MLXIPL: variants seen among roughly 807,000 people sequenced by gnomAD.
The protein encoded by MLXIPL is MLX interacting protein like, also known as carbohydrate-responsive element-binding protein.
MLXIPL carries 49 observed loss-of-function variants against 81.5 expected under a neutral mutation model. The observed-to-expected ratio is 0.60, with a 90% CI of 0.48 to 0.76. The LOEUF (loss-of-function observed/expected upper bound fraction) is 0.76, where lower values mean the gene tolerates loss of function less well. MLXIPL is among the 30% of genes least tolerant of loss of function. MLXIPL has a pLI of 0.00. For synonymous variants in MLXIPL, 466 were observed against 485.5 expected, an observed-to-expected ratio of 0.96 and a Z score of 0.53; for missense variants, 1,053 against 1,167.0, an observed-to-expected ratio of 0.90 and a Z score of 1.42.
chr7:73,623,973 T>G lies in MLXIPL; in HGVS notation c.293+227A>C, dbSNP rs1796548591. Among the ~76,000 whole-genome samples the G allele has an allele frequency of 6.8e-6, 1 of 146,958 alleles. No individual in the cohort carries two copies. Among genetic ancestry groups the G allele is most frequent in the Non-Finnish European group, 1.5e-5 (1 of 66,552 alleles). On this transcript the variant is annotated intron_variant, in intron 1 of 16. Coordinates refer to ENST00000313375, the MANE Select transcript of MLXIPL (RefSeq NM_032951.3). The surrounding 1 kb of genome is among the most constrained non-coding windows in gnomAD (Gnocchi z 5.7). ...CGGGGAAGAGGGAATGGGGGAGGAA[T>G]GGGAATCAGAAATGCGTGGGTCCGT... is the stretch of plus-strand genomic sequence containing the variant.
At chr7:73,599,763 A>T in intron 7 of MLXIPL, 68 bp from the exon 8 acceptor site, 1 of 1,495,986 alleles carries the variant, frequency 6.7e-7, no homozygotes, top group Non-Finnish European at 9.1e-7. Context: ...AGCTGAGAGG[A>T]GAGTGGCCTG....
intron 7 of MLXIPL, among the ~76,000 whole-genome samples, chr7:73,600,838 T>TA (rs1378192242): frequency 3.3e-5 from 5 of 151,836 alleles, no homozygotes; most frequent in African/African-American, 1.2e-4. Context: ...GCGGGTTGTG[T>TA]AAGTCCTGGG....
At chr7:73,597,069 C>G (rs1246866011) in intron 9 of MLXIPL, 113 bp downstream of exon 9, 34 of 1,448,948 alleles carry the variant, frequency 2.3e-5, no homozygotes, top group Non-Finnish European at 2.8e-5. Context: ...GCCACTCTGT[C>G]CCTTGAACTG....
Position 73,596,002 on chromosome 7 carries a change from G to A in MLXIPL, c.2059-33C>T, listed in dbSNP as rs1361996662. 1 of 1,610,484 alleles carries A rather than the reference G, an allele frequency of 6.2e-7. No homozygotes were observed. The highest frequency in any genetic ancestry group is 8.5e-7 in the Non-Finnish European group (1 of 1,179,836). On this transcript the variant is annotated intron_variant, in intron 13 of 16. Coordinates refer to ENST00000313375, the MANE Select transcript of MLXIPL (RefSeq NM_032951.3). The surrounding 1 kb of genome is among the most constrained non-coding windows in gnomAD (Gnocchi z 4.7). ...CGCCACCAGGGGGGCTCAGGCAGGT[G>A]CTAGAGGCTGTACCCTGGGACCCAC... is the stretch of plus-strand genomic sequence containing the variant.
chr7:73,632,674 C>A, the MLXIPL span, among the ~76,000 whole-genome samples: 2 of 152,114 alleles, frequency 1.3e-5, no homozygotes, highest in East Asian at 1.9e-4. Flanking sequence ...GGAAGGAAGA[C>A]AAGGGGCTTG....
In MLXIPL at chr7:73,606,275, A is replaced by T. The variant is rs79064916; in HGVS notation, c.619-164T>A. On this transcript the variant is annotated intron_variant, in intron 5 of 16. Coordinates refer to ENST00000313375, the MANE Select transcript of MLXIPL (RefSeq NM_032951.3). The stretch of plus-strand genomic sequence containing the variant: ...CTAGCTTGCTGCTTGAAAGGCCAAG[A>T]TCACTCCATTGGCCTCTAAGAACTT... The T allele has an allele frequency of 7.6e-3, 5,521 of 726,696 alleles. 260 individuals carry two copies. In the African/African-American group the frequency reaches 0.085, roughly 11 times the overall value. The allele number at this position is 726,696 out of a possible 1,614,324, so 45.0% of individuals were successfully genotyped here. A position where few individuals can be genotyped will look rare whatever the true frequency, so the allele number is the denominator to read the frequency against.
chr7:73,609,824 A>T (rs1188452043), intron 2 of MLXIPL: 6 of 151,932 alleles, frequency 3.9e-5, no homozygotes, highest in African/African-American at 1.5e-4. Context: ...GGTGTATACC[A>T]CTGCACCCAG....
Position 73,597,393 on chromosome 7 carries a change from G to A in MLXIPL, c.1392C>T (p.Ser464=), listed in dbSNP as rs782435817. The part of the protein sequence containing the change: ...AFPPTPQSVP[S]PAPTPFPIEL... ...CTATGGGGAAGGGGGTGGGGGCTGG[G>A]CTGGGGACAGACTGTGGGGTGGGTG... Residue 464 remains serine, a synonymous_variant, in exon 9 of 17, where the codon AGC becomes AGT. Transcript: ENST00000313375. 11 of 1,438,306 alleles carry A rather than the reference G, an allele frequency of 7.6e-6. No individual in the cohort carries two copies. Among genetic ancestry groups the A allele is most frequent in the East Asian group, 7.6e-5 (3 of 39,474 alleles). 89.1% of individuals were successfully genotyped at this position (1,438,306 alleles called of 1,614,324 possible). A position where few individuals can be genotyped will look rare whatever the true frequency, so the allele number is the denominator to read the frequency against.
At chr7:73,598,282 T>G (rs1794513240) in intron 8 of MLXIPL, among the ~76,000 whole-genome samples, 1 of 151,986 alleles carries the variant, frequency 6.6e-6, no homozygotes, top group Admixed American at 6.6e-5. Flanking sequence ...CATCTACCAC[T>G]CTCTCCACCA....
At chr7:73,642,315 A>G in the MLXIPL span, among the ~76,000 whole-genome samples, 4 of 151,980 alleles carry the variant, frequency 2.6e-5, no homozygotes, top group African/African-American at 4.8e-5. Context: ...ATGAAGCCCA[A>G]CATTTAGGGG....
chr7:73,616,236 C>A (rs1306227457), intron 1 of MLXIPL, 59 bp from the exon 2 acceptor site: 2 of 1,381,374 alleles, frequency 1.4e-6, no homozygotes, highest in East Asian at 2.3e-5. Flanking sequence ...GAGGCTGGTC[C>A]CCATATTCCC....
the MLXIPL span, among the ~76,000 whole-genome samples, chr7:73,631,617 G>T: frequency 7.4e-6 from 1 of 134,806 alleles, no homozygotes; most frequent in African/African-American, 2.9e-5. Flanking sequence ...ATGCTGCCTA[G>T]GCTGGTGTCA....
intron 7 of MLXIPL, among the ~76,000 whole-genome samples, chr7:73,603,009 C>G (rs1795003432): frequency 6.6e-6 from 1 of 152,200 alleles, no homozygotes; most frequent in South Asian, 2.1e-4. Context: ...GGGCCCAAGT[C>G]CCTCCCTAGC....
intron 7 of MLXIPL, among the ~76,000 whole-genome samples, chr7:73,602,286 G>A (rs1383835249): frequency 1.4e-5 from 2 of 147,258 alleles, no homozygotes; most frequent in Admixed American, 6.8e-5. Flanking sequence ...GCACGATCTC[G>A]GCTCACTGCA....
chr7:73,608,055 C>A (rs1469046685), intron 2 of MLXIPL, among the ~76,000 whole-genome samples: 6 of 150,154 alleles, frequency 4.0e-5, no homozygotes, highest in African/African-American at 1.5e-4. Context: ...CGGGGTTTCA[C>A]CATGTTGGCC....
At chr7:73,635,960 G>A in the MLXIPL span, among the ~76,000 whole-genome samples, 1 of 152,220 alleles carries the variant, frequency 6.6e-6, no homozygotes, top group Admixed American at 6.5e-5. Context: ...CCTTTGTGCA[G>A]CTCAGTATGC....
rs782595276 is a variant in MLXIPL, at chr7:73,597,755, G to C, written c.1072-42C>G. 5 of 1,304,104 alleles carry C rather than the reference G, an allele frequency of 3.8e-6. No individual in the cohort carries two copies. In the East Asian group the frequency reaches 1.4e-4, roughly 36 times the overall value. 80.8% of individuals were successfully genotyped at this position (1,304,104 alleles called of 1,614,324 possible). A position where few individuals can be genotyped will look rare whatever the true frequency, so the allele number is the denominator to read the frequency against. ...ACAGACACTCAGAGAGCAGGGGAGA[G>C]AGCTGCCCCTGGCAGCCATCTGGGC... is the stretch of plus-strand genomic sequence containing the variant. On this transcript the variant is annotated intron_variant, in intron 8 of 16. Coordinates refer to ENST00000313375, the MANE Select transcript of MLXIPL (RefSeq NM_032951.3).
rs548782440 is a variant in MLXIPL at position 73,623,269 on chromosome 7, A to G, written c.293+931T>C. ...GGAGGAGGCGCCGCGGAGGAAGAGG[A>G]ATATTTGCACAGAGAAAAGATCAAG... On this transcript the variant is annotated intron_variant, in intron 1 of 16. Coordinates refer to ENST00000313375, the MANE Select transcript of MLXIPL (RefSeq NM_032951.3). The surrounding 1 kb of genome is among the most constrained non-coding windows in gnomAD (Gnocchi z 5.7). 6.6e-6 allele frequency among the ~76,000 whole-genome samples: 1 copy of G among 152,326 alleles called. No individual in the cohort carries two copies. Among genetic ancestry groups the G allele is most frequent in the South Asian group, 2.1e-4 (1 of 4,826 alleles).
At chr7:73,602,122 G>T (rs79195708) in intron 7 of MLXIPL, among the ~76,000 whole-genome samples, 6,594 of 59,084 alleles carry the variant, frequency 0.11, 194 homozygotes, top group Non-Finnish European at 0.14. Context: ...CTGCCTGCCT[G>T]CCTGCCTGCC....
Sources: allele counts gnomAD v4.1 joint callset (sites outside exome capture counted in the v4.1 genomes callset), GRCh38; gene constraint gnomAD v4.1.1; non-coding constraint Gnocchi (gnomAD v3.1); transcripts MANE v1.5; gene names NCBI Gene and HGNC (gene_info 2026-07-23, HGNC 2026-07-21).